DIAPH2: variants seen among roughly 807,000 people sequenced by gnomAD.
DIAPH2 encodes the protein diaphanous related formin 2.
Under a neutral mutation model 92.7 loss-of-function variants are expected in DIAPH2, and 35 were observed. The observed-to-expected ratio is 0.38, with a 90% CI of 0.29 to 0.50. DIAPH2 has a LOEUF of 0.50. Ranked by LOEUF, DIAPH2 falls within the 20% of genes least tolerant of loss-of-function variation. The probability of loss-of-function intolerance (pLI) is 0.94; values close to 1 mark genes in which losing one functional copy is unlikely to be tolerated. For missense variants in DIAPH2, 701 were observed against 819.5 expected (o/e 0.86, Z 1.77); for synonymous variants, 301 against 280.4 (o/e 1.07, Z -0.73).
At chrX:96,840,722 C>T in intron 4 of DIAPH2, among the ~76,000 whole-genome samples, 1 of 110,756 alleles carries the variant, frequency 9.0e-6, no homozygotes, top group Middle Eastern at 4.6e-3. Context: ...CATTCTCCTG[C>T]CTCAGCCTCC....
intron 1 of DIAPH2, among the ~76,000 whole-genome samples, chrX:96,726,958 T>C (rs1242809815): frequency 8.9e-6 from 1 of 112,173 alleles, no homozygotes; most frequent in Non-Finnish European, 1.9e-5. Context: ...CTTTGATTCC[T>C]TCTTTAGTTT....
intron 17 of DIAPH2, 28 bp downstream of exon 17, chrX:96,965,235 T>C (rs776482960): frequency 9.3e-6 from 10 of 1,072,548 alleles, no homozygotes; most frequent in Non-Finnish European, 1.2e-5. Context: ...AAATATAAGT[T>C]CCCGATTCAG....
intron 10 of DIAPH2, 96 bp downstream of exon 10, chrX:96,930,939 C>G: frequency 1.0e-6 from 1 of 958,149 alleles, no homozygotes; most frequent in Non-Finnish European, 1.4e-6. Flanking sequence ...ATGTGCTTTG[C>G]TATTTTGTTT....
rs756209796 is a variant in DIAPH2, at chrX:96,822,147, C to A, written c.448-59432C>A. On this transcript the variant is annotated intron_variant, in intron 4 of 26. Transcript: ENST00000324765. Reference sequence around the variant, plus strand: ...TATAGAATATAAAGTACAGTTAAGTCCTATGAAAGATGAGAATCTTATAGA... The same window carrying A: ...TATAGAATATAAAGTACAGTTAAGTACTATGAAAGATGAGAATCTTATAGA... Among the ~76,000 whole-genome samples, 8 of 110,332 alleles carry A rather than the reference C, an allele frequency of 7.3e-5. No homozygotes were observed. The East Asian group carries it at 2.3e-3, about 31-fold the overall frequency.
chrX:97,527,724 A>G (rs1213306510), intron 26 of DIAPH2, among the ~76,000 whole-genome samples: 5 of 112,347 alleles, frequency 4.5e-5, no homozygotes, highest in East Asian at 2.8e-4. Flanking sequence ...TTGGGCTTCA[A>G]TGGTGGTGCT....
intron 25 of DIAPH2, among the ~76,000 whole-genome samples, chrX:97,405,372 T>C (rs1191272662): frequency 9.0e-6 from 1 of 111,591 alleles, no homozygotes; most frequent in African/African-American, 3.3e-5. Flanking sequence ...TCCTAAGCTT[T>C]AGGGAAAGAA....
intron 4 of DIAPH2, among the ~76,000 whole-genome samples, chrX:96,797,629 G>A (rs1362902802): frequency 1.8e-5 from 2 of 112,262 alleles, no homozygotes; most frequent in Non-Finnish European, 1.9e-5. Context: ...AGGAGCAGGA[G>A]CAAGAGACGG....
intron 5 of DIAPH2, among the ~76,000 whole-genome samples, chrX:96,898,864 A>G (rs1280351526): frequency 1.8e-4 from 19 of 103,690 alleles, no homozygotes; most frequent in South Asian, 4.6e-4. Flanking sequence ...TTTTAGGTCT[A>G]ACGTTTAAGT....
chrX:97,353,729 A>G (rs751762018), intron 24 of DIAPH2, among the ~76,000 whole-genome samples: 1 of 107,895 alleles, frequency 9.3e-6, no homozygotes, highest in Non-Finnish European at 2.0e-5. Context: ...CTAGATGAGC[A>G]TTAAAATAAC....
intron 24 of DIAPH2, among the ~76,000 whole-genome samples, chrX:97,374,610 G>T (rs1440308940): frequency 8.9e-6 from 1 of 112,254 alleles, no homozygotes; most frequent in Non-Finnish European, 1.9e-5. Context: ...TGCTGATAAA[G>T]TCTTCAGAGG....
Position 97,184,897 on chromosome X carries a change from G to A in DIAPH2, c.2719+43103G>A, listed in dbSNP as rs757095856. On this transcript the variant is annotated intron_variant, in intron 22 of 26. Coordinates refer to ENST00000324765, the MANE Select transcript of DIAPH2 (RefSeq NM_006729.5). ...ATTTAATCACTTTTTCTAATGCAGCGGCACGTTGTATAATACCCCTGAGAG... is the reference window on the plus strand; with the variant it reads ...ATTTAATCACTTTTTCTAATGCAGCAGCACGTTGTATAATACCCCTGAGAG... Among the ~76,000 whole-genome samples the A allele has an allele frequency of 1.9e-4, 21 of 110,184 alleles. No individual in the cohort carries two copies. The South Asian group carries it at 6.7e-3, about 35-fold the overall frequency.
intron 17 of DIAPH2, among the ~76,000 whole-genome samples, chrX:97,021,791 A>G (rs777229456): frequency 5.4e-5 from 6 of 111,679 alleles, no homozygotes; most frequent in Non-Finnish European, 1.1e-4. Context: ...AGTGGAATGT[A>G]CTGTATGAAT....
intron 24 of DIAPH2, among the ~76,000 whole-genome samples, chrX:97,371,587 T>C (rs1164162591): frequency 9.0e-6 from 1 of 111,322 alleles, no homozygotes; most frequent in Non-Finnish European, 1.9e-5. Context: ...GGCAGAACAT[T>C]AGAGCAAGCA....
At chrX:97,036,924 T>G (rs1469083121) in intron 17 of DIAPH2, among the ~76,000 whole-genome samples, 1 of 111,604 alleles carries the variant, frequency 9.0e-6, no homozygotes, top group Non-Finnish European at 1.9e-5. Flanking sequence ...TGCTAAATAA[T>G]GTGCTGGATG....
chrX:96,839,223 C>G (rs188725123), intron 4 of DIAPH2, among the ~76,000 whole-genome samples: 53 of 111,285 alleles, frequency 4.8e-4, no homozygotes, highest in African/African-American at 1.7e-3. Context: ...CTGTCTGACT[C>G]CAAAACTGAA....
At chrX:97,045,812 G>C (rs755623878) in intron 17 of DIAPH2, among the ~76,000 whole-genome samples, 11 of 107,961 alleles carry the variant, frequency 1.0e-4, no homozygotes, top group African/African-American at 3.4e-4. Context: ...GGAGAAGGTG[G>C]TATGTGGGAA....
chrX:96,761,896 T>C (rs1366896603), intron 4 of DIAPH2, among the ~76,000 whole-genome samples: 1 of 111,532 alleles, frequency 9.0e-6, no homozygotes. Context: ...TAATCACTGC[T>C]TGTAAATAGT....
intron 4 of DIAPH2, among the ~76,000 whole-genome samples, chrX:96,801,708 C>G (rs780994022): frequency 9.0e-6 from 1 of 111,267 alleles, no homozygotes; most frequent in Admixed American, 9.6e-5. Context: ...GATTTCTATA[C>G]TTGATAATAT....
intron 26 of DIAPH2, among the ~76,000 whole-genome samples, chrX:97,565,176 G>A (rs912420250): frequency 6.3e-5 from 7 of 111,069 alleles, no homozygotes; most frequent in African/African-American, 1.3e-4. Flanking sequence ...GTCAGCTTAC[G>A]GACTTTGAAA....
Sources: gnomAD v4.1 joint callset for allele counts (sites outside exome capture counted in the v4.1 genomes callset) on GRCh38, gnomAD v4.1.1 for gene constraint, MANE v1.5 for transcripts, NCBI Gene and HGNC (gene_info 2026-07-23, HGNC 2026-07-21) for gene names.